The following DIP2B variants were observed in gnomAD, a reference collection of about 807,000 sequenced individuals.
DIP2B encodes DIP2 acetate--CoA ligase B (putative).
In DIP2B, 76 loss-of-function variants were observed where a neutral mutation model predicts 198.0. The ratio of observed to expected loss-of-function variants is 0.38; its 90% confidence interval spans 0.32 to 0.46. The LOEUF (loss-of-function observed/expected upper bound fraction) is 0.46, where lower values mean the gene tolerates loss of function less well. Among genes scored for constraint, DIP2B ranks in the 20% least tolerant of loss-of-function variants. The probability of loss-of-function intolerance (pLI) is 0.99; values close to 1 mark genes in which losing one functional copy is unlikely to be tolerated. For missense variants in DIP2B, 1,559 were observed against 1,978.4 expected, an observed-to-expected ratio of 0.79 and a Z score of 4.02; for synonymous variants, 701 against 739.1, an observed-to-expected ratio of 0.95 and a Z score of 0.84.
At chr12:50,557,293 C>T (rs1480275516) in intron 1 of DIP2B, among the ~76,000 whole-genome samples, 1 of 152,070 alleles carries the variant, frequency 6.6e-6, no homozygotes, top group Non-Finnish European at 1.5e-5. Context: ...ATTTGTGTGC[C>T]CCACACACCT....
In DIP2B at chr12:50,727,825, C is replaced by T. The variant is rs1456841166; in HGVS notation, c.3510+13C>T. The T allele has an allele frequency of 4.4e-6, 7 of 1,604,752 alleles. No homozygotes were observed. Among genetic ancestry groups the T allele is most frequent in the Non-Finnish European group, 6.0e-6 (7 of 1,174,868 alleles). Reference sequence around the variant, plus strand: ...TACAGGAGTGAAGGTAAGGTGCATGCTGGAAAAATGCCACATCTGCCAAAA... The same window carrying T: ...TACAGGAGTGAAGGTAAGGTGCATGTTGGAAAAATGCCACATCTGCCAAAA... On this transcript the variant is annotated intron_variant, in intron 29 of 37. Transcript: ENST00000301180.
chr12:50,544,187 C>T lies in DIP2B; in HGVS notation c.100+38947C>T, dbSNP rs570868105. Reference sequence around the variant, plus strand: ...AGATTGCAGTGAGATCATGCCACTGCCACTCCAGCCTGGTGACAGAGTGAG... The same window carrying T: ...AGATTGCAGTGAGATCATGCCACTGTCACTCCAGCCTGGTGACAGAGTGAG... On this transcript the variant is annotated intron_variant, in intron 1 of 37. Coordinates refer to ENST00000301180, the MANE Select transcript of DIP2B (RefSeq NM_173602.3). 1.5e-3 allele frequency among the ~76,000 whole-genome samples: 223 copies of T among 150,262 alleles called. 1 individual carries two copies. Among genetic ancestry groups the T allele is most frequent in the African/African-American group, 5.0e-3 (203 of 40,772 alleles).
intron 1 of DIP2B, among the ~76,000 whole-genome samples, chr12:50,527,667 G>A (rs1037965188): frequency 1.3e-5 from 2 of 152,094 alleles, no homozygotes; most frequent in African/African-American, 2.4e-5. Context: ...CTATGATCGT[G>A]CCACTACACT....
chr12:50,603,380 G>T (rs751063511), intron 1 of DIP2B, among the ~76,000 whole-genome samples: 1 of 152,018 alleles, frequency 6.6e-6, no homozygotes, highest in Admixed American at 6.6e-5. Flanking sequence ...AGAAATGGAC[G>T]CTTGGTTTAG....
intron 1 of DIP2B, among the ~76,000 whole-genome samples, chr12:50,552,786 T>G (rs1010295989): frequency 6.6e-6 from 1 of 152,140 alleles, no homozygotes; most frequent in Admixed American, 6.5e-5. Context: ...TTTAAAGTTC[T>G]TTTTTAAACG....
Position 50,723,308 on chromosome 12 carries a change from C to G in DIP2B, c.3273C>G (p.Val1091=), listed in dbSNP as rs746041635. 3 of 1,614,166 alleles carry G rather than the reference C, an allele frequency of 1.9e-6. No individual in the cohort carries two copies. The highest frequency in any genetic ancestry group is 2.5e-6 in the Non-Finnish European group (3 of 1,180,024). ...ACCTCACGGCCACGCTGCCCACTGT[C>G]CGAATGATTGTTGATGTAAGTACCA... ...AQNLTATLPT[V]RMIVDVSKAA... Residue 1091 remains valine, a synonymous_variant, in exon 27 of 38, where the codon GTC becomes GTG. Coordinates refer to ENST00000301180, the MANE Select transcript of DIP2B (RefSeq NM_173602.3).
intron 20 of DIP2B, among the ~76,000 whole-genome samples, chr12:50,705,429 C>CTCCA (rs1020648950): frequency 9.2e-5 from 14 of 152,306 alleles, no homozygotes; most frequent in African/African-American, 3.4e-4. Flanking sequence ...CAAAATGGAG[C>CTCCA]TCCAAGCCTT....
In DIP2B at chr12:50,739,518, A is replaced by G; in HGVS notation, c.4286A>G (p.Gln1429Arg). The G allele has an allele frequency of 1.9e-6, 3 of 1,614,192 alleles. No individual in the cohort carries two copies. The highest frequency in any genetic ancestry group is 2.5e-6 in the Non-Finnish European group (3 of 1,180,028). Reference protein sequence around the residue: ...NTRLSFGDAAQTLWARTGYLG... With the variant: ...NTRLSFGDAARTLWARTGYLG... ...CGCCTCAGCTTTGGAGATGCAGCTC[A>G]GACACTCTGGGCTCGGACAGGATAC... The change falls in exon 36 of 38, where the codon CAG (glutamine) becomes CGG (arginine). Residue 1429 changes from glutamine to arginine, a missense_variant. By Grantham distance (43) the Gln-to-Arg change is conservative. Coordinates refer to ENST00000301180, the MANE Select transcript of DIP2B (RefSeq NM_173602.3).
chr12:50,695,724 C>T (rs1259436998), intron 15 of DIP2B, 124 bp from the exon 16 acceptor site: 11 of 1,360,322 alleles, frequency 8.1e-6, no homozygotes, highest in South Asian at 4.2e-5. Context: ...TCTTTGAAAC[C>T]GTTTTTATCT....
intron 1 of DIP2B, among the ~76,000 whole-genome samples, chr12:50,589,436 C>T (rs1163897501): frequency 1.3e-5 from 2 of 151,750 alleles, no homozygotes; most frequent in Non-Finnish European, 2.9e-5. Context: ...ACCTCGGCGT[C>T]CCAAAGTGCT....
At chr12:50,714,623 C>T in intron 23 of DIP2B, 27 bp downstream of exon 23, 3 of 1,611,914 alleles carry the variant, frequency 1.9e-6, no homozygotes, top group Non-Finnish European at 2.5e-6. Context: ...CAAGACCTGG[C>T]ACTAAAATTC....
chr12:50,510,587 C>G (rs753727447), intron 1 of DIP2B, among the ~76,000 whole-genome samples: 3 of 152,048 alleles, frequency 2.0e-5, no homozygotes, highest in Middle Eastern at 6.9e-3. Context: ...CTTTGAAATG[C>G]TCCTTCTTGC....
intron 3 of DIP2B, among the ~76,000 whole-genome samples, chr12:50,647,482 C>T (rs531844998): frequency 6.6e-6 from 1 of 152,164 alleles, no homozygotes; most frequent in Non-Finnish European, 1.5e-5. Flanking sequence ...CCTCCTTTTC[C>T]TCTCCACCCT....
At chr12:50,701,500 G>C (rs1939416639) in intron 19 of DIP2B, among the ~76,000 whole-genome samples, 2 of 152,158 alleles carry the variant, frequency 1.3e-5, no homozygotes, top group Admixed American at 6.5e-5. Context: ...TCCTGCCTTA[G>C]CCTCCCAAGT....
chr12:50,542,083 G>A (rs1392847839), intron 1 of DIP2B, among the ~76,000 whole-genome samples: 1 of 150,778 alleles, frequency 6.6e-6, no homozygotes, highest in Non-Finnish European at 1.5e-5. Flanking sequence ...ACGAGGTCAG[G>A]GATGGAGACC....
At chr12:50,741,252 G>C (rs1940236942) in intron 36 of DIP2B, among the ~76,000 whole-genome samples, 164 bp from the exon 37 acceptor site, 1 of 152,204 alleles carries the variant, frequency 6.6e-6, no homozygotes, top group African/African-American at 2.4e-5. Flanking sequence ...CCATCTCACA[G>C]AGGAGCAGCA....
At chr12:50,678,903 C>T (rs1166418136) in intron 8 of DIP2B, 27 bp downstream of exon 8, 22 of 1,612,838 alleles carry the variant, frequency 1.4e-5, no homozygotes, top group Admixed American at 3.3e-5. Flanking sequence ...CCAGATCCTT[C>T]TCTCCTGAGA....
At chr12:50,679,090 G>C (rs1938995780) in intron 8 of DIP2B, 3 of 563,894 alleles carry the variant, frequency 5.3e-6, no homozygotes, top group African/African-American at 1.9e-5. Flanking sequence ...TTAAAAGACA[G>C]CAAAAAGAAG....
intron 1 of DIP2B, among the ~76,000 whole-genome samples, chr12:50,559,400 C>T (rs957811267): frequency 6.8e-6 from 1 of 146,702 alleles, no homozygotes; most frequent in African/African-American, 2.5e-5. Context: ...TGGTATTATA[C>T]CAATTTTATC....
Sources: gnomAD v4.1 joint callset for allele counts (sites outside exome capture counted in the v4.1 genomes callset) on GRCh38, gnomAD v4.1.1 for gene constraint, MANE v1.5 for transcripts, NCBI Gene and HGNC (gene_info 2026-07-23, HGNC 2026-07-21) for gene names.